HCN1: variants seen among roughly 807,000 people sequenced by gnomAD.
HCN1 encodes hyperpolarization activated cyclic nucleotide gated potassium channel 1.
HCN1 carries 13 observed loss-of-function variants against 78.9 expected under a neutral mutation model. The ratio of observed to expected loss-of-function variants is 0.16; its 90% CI spans 0.11 to 0.26. HCN1 has a LOEUF of 0.26. HCN1 is among the 10% of genes least tolerant of loss of function. HCN1 has a pLI of 1.00. For synonymous variants in HCN1, 552 were observed against 455.5 expected (o/e 1.21, Z -2.70); for missense variants, 810 against 1,154.3 (o/e 0.70, Z 4.32).
At chr5:45,396,749 A>T (rs1445723875) in intron 3 of HCN1, 39 bp from the exon 4 acceptor site, 3 of 1,498,638 alleles carry the variant, frequency 2.0e-6, no homozygotes, top group Non-Finnish European at 2.8e-6. Flanking sequence ...CTGAGCCATT[A>T]GGATGGCAGA....
At chr5:45,275,201 G>A (rs1745031119) in intron 6 of HCN1, among the ~76,000 whole-genome samples, 1 of 151,216 alleles carries the variant, frequency 6.6e-6, no homozygotes, top group Non-Finnish European at 1.5e-5. Context: ...AGCTGAGATC[G>A]TGCCACTGCA....
intron 2 of HCN1, among the ~76,000 whole-genome samples, chr5:45,556,012 A>G (rs1743461141): frequency 6.6e-6 from 1 of 151,972 alleles, no homozygotes; most frequent in African/African-American, 2.4e-5. Context: ...CATATGCCAA[A>G]GAATGAAACT....
At chr5:45,664,463 T>TAAAAAA (rs1005693251) in intron 1 of HCN1, among the ~76,000 whole-genome samples, 1 of 97,294 alleles carries the variant, frequency 1.0e-5, no homozygotes, top group Non-Finnish European at 2.2e-5. Flanking sequence ...ATAATAATAA[T>TAAAAAA]AAAAAAAAGA....
At position 45,390,015 on chromosome 5, in the gene HCN1, T is replaced by C. The variant is rs569206879; in HGVS notation, c.1230+6477A>G. On this transcript the variant is annotated intron_variant, in intron 4 of 7. Coordinates refer to ENST00000303230, the MANE Select transcript of HCN1 (RefSeq NM_021072.4). ...ACTTTCCCCAGCAAGGTAGCTATTG[T>C]TTCATTCAAATTAGACTATTCAATA... Among the ~76,000 whole-genome samples the C allele has an allele frequency of 3.9e-5, 6 of 152,304 alleles. No homozygotes were observed. In the East Asian group the frequency reaches 7.7e-4, roughly 20 times the overall value.
At chr5:45,478,302 G>C (rs1437083712) in intron 2 of HCN1, among the ~76,000 whole-genome samples, 1 of 152,054 alleles carries the variant, frequency 6.6e-6, no homozygotes. Flanking sequence ...TAAAAATGAA[G>C]AAGTTTACAT....
intron 2 of HCN1, among the ~76,000 whole-genome samples, chr5:45,621,091 A>C (rs891182655): frequency 3.3e-5 from 5 of 152,196 alleles, no homozygotes; most frequent in African/African-American, 1.2e-4. Flanking sequence ...CAGCCTTCTC[A>C]ACTCAAACAA....
At chr5:45,314,301 C>G (rs1051778900) in intron 5 of HCN1, among the ~76,000 whole-genome samples, 1 of 152,140 alleles carries the variant, frequency 6.6e-6, no homozygotes, top group Non-Finnish European at 1.5e-5. Context: ...ACTTTACAGA[C>G]AAGCAAATGC....
chr5:45,356,499 G>T (rs1359877643), intron 4 of HCN1, among the ~76,000 whole-genome samples: 1 of 151,906 alleles, frequency 6.6e-6, no homozygotes, highest in Non-Finnish European at 1.5e-5. Flanking sequence ...GTTAAAAGGT[G>T]TTTAATCCAT....
At chr5:45,363,798 A>T (rs968084897) in intron 4 of HCN1, among the ~76,000 whole-genome samples, 15 of 151,914 alleles carry the variant, frequency 9.9e-5, no homozygotes, top group Admixed American at 3.9e-4. Flanking sequence ...GCTGTCGCCA[A>T]ATAAGAAGTG....
At chr5:45,597,122 A>T (rs1044934069) in intron 2 of HCN1, among the ~76,000 whole-genome samples, 2 of 152,230 alleles carry the variant, frequency 1.3e-5, no homozygotes, top group African/African-American at 4.8e-5. Context: ...AAAAAAGAGA[A>T]TTTTTTAGAC....
chr5:45,474,703 T>G (rs531962514), intron 2 of HCN1, among the ~76,000 whole-genome samples: 1 of 152,084 alleles, frequency 6.6e-6, no homozygotes, highest in South Asian at 2.1e-4. Context: ...ATATTTATTT[T>G]CTTTTGGTAA....
At chr5:45,574,519 T>C (rs999260159) in intron 2 of HCN1, 4 of 152,042 alleles carry the variant, frequency 2.6e-5, no homozygotes, top group Non-Finnish European at 4.4e-5. Flanking sequence ...GACTCCTTAT[T>C]CCCTGAGACA....
intron 2 of HCN1, among the ~76,000 whole-genome samples, chr5:45,527,932 G>GTT (rs34937140): frequency 1.2e-4 from 17 of 145,784 alleles, no homozygotes; most frequent in African/African-American, 2.5e-4. Context: ...TAAATTTAGG[G>GTT]TTTTTTTTTT....
rs150936707 is a variant in HCN1 at position 45,262,204 on chromosome 5, A to C, written c.2390T>G (p.Val797Gly). 294 of 1,613,978 alleles carry C rather than the reference A, an allele frequency of 1.8e-4. No homozygotes were observed. Among genetic ancestry groups the C allele is most frequent in the Non-Finnish European group, 2.3e-4 (276 of 1,180,014 alleles). Residue 797 changes from valine (V) to glycine (G), a missense_variant, in exon 8 of 8, where the codon GTG (valine) becomes GGG (glycine). Val to Gly is a moderately radical substitution (Grantham distance 109). Around this residue, in one of 6 missense-constraint regions of HCN1, gnomAD observed 398 missense variants for 381.3 expected, o/e 1.04. Transcript: ENST00000303230. ...SASQPSLPHE[V>G]STLISRPHPT... ...ATGAGGTCTGGAAATCAGAGTGGAC[A>C]CCTCATGGGGCAGCGAGGGCTGCGA...
At chr5:45,532,359 T>A (rs998503011) in intron 2 of HCN1, among the ~76,000 whole-genome samples, 1 of 152,234 alleles carries the variant, frequency 6.6e-6, no homozygotes, top group African/African-American at 2.4e-5. Context: ...ATAATATTGA[T>A]CATTCTAGCA....
In HCN1 at chr5:45,549,485, C is replaced by G. The variant is rs1046581300; in HGVS notation, c.850-87478G>C. On this transcript the variant is annotated intron_variant, in intron 2 of 7. Coordinates refer to ENST00000303230, the MANE Select transcript of HCN1 (RefSeq NM_021072.4). ...CTGGATCCCTTCCATACACCTTATA[C>G]AAAAATTAATCCAAGATGGATTAAA... Among the ~76,000 whole-genome samples the G allele has an allele frequency of 5.9e-5, 9 of 152,218 alleles. No individual in the cohort carries two copies. The South Asian group carries it at 1.7e-3, about 28-fold the overall frequency.
At chr5:45,690,086 G>A (rs1237282970) in intron 1 of HCN1, among the ~76,000 whole-genome samples, 1 of 151,970 alleles carries the variant, frequency 6.6e-6, no homozygotes, top group Non-Finnish European at 1.5e-5. Context: ...GTTTGTTGCA[G>A]CACTTTTTAA....
chr5:45,695,860 C>A lies in HCN1; in HGVS notation c.234G>T (p.Ala78=). 1 of 1,585,808 alleles carries A rather than the reference C, an allele frequency of 6.3e-7. No individual in the cohort carries two copies. Among genetic ancestry groups the A allele is most frequent in the Non-Finnish European group, 8.5e-7 (1 of 1,171,884 alleles). ...GGGGGGGEEP[A]GGFEDAEGPR... ...GCCCCTCGGCGTCTTCGAAGCCCCC[C>A]GCCGGCTCCTCGCCGCCGCCGCCGC... The change falls in exon 1 of 8, where the codon GCG becomes GCT. Residue 78 remains alanine, a synonymous_variant. Coordinates refer to ENST00000303230, the MANE Select transcript of HCN1 (RefSeq NM_021072.4).
intron 2 of HCN1, among the ~76,000 whole-genome samples, chr5:45,539,811 C>T (rs1743056621): frequency 6.8e-6 from 1 of 146,450 alleles, no homozygotes; most frequent in Admixed American, 6.8e-5. Context: ...CACACATATG[C>T]ACACATATAC....
Sources: allele counts gnomAD v4.1 joint callset (sites outside exome capture counted in the v4.1 genomes callset), GRCh38; gene constraint gnomAD v4.1.1; regional missense constraint gnomAD v4.1.1; transcripts MANE v1.5; gene names NCBI Gene and HGNC (gene_info 2026-07-23, HGNC 2026-07-21).